CYLD: variants seen among roughly 807,000 people sequenced by gnomAD.
CYLD encodes the protein ubiquitin carboxyl-terminal hydrolase CYLD.
Under a neutral mutation model 104.5 loss-of-function variants are expected in CYLD, and 26 were observed. The ratio of observed to expected loss-of-function variants is 0.25; its 90% CI spans 0.18 to 0.35. The LOEUF is 0.35. Among genes scored for constraint, CYLD ranks in the 10% least tolerant of loss-of-function variants. The probability of loss-of-function intolerance (pLI) is 1.00; values close to 1 mark genes in which losing one functional copy is unlikely to be tolerated. For missense variants in CYLD, 703 were observed against 1,136.1 expected (o/e 0.62, Z 5.48); for synonymous variants, 385 against 399.9 (o/e 0.96, Z 0.45).
chr16:50,768,682 A>G (rs1968786758), intron 5 of CYLD, among the ~76,000 whole-genome samples: 2 of 152,240 alleles, frequency 1.3e-5, no homozygotes, highest in East Asian at 1.9e-4. Flanking sequence ...AGTTGTTATG[A>G]TGAAGCATAT....
In CYLD at chr16:50,761,448, G is replaced by A. The variant is rs1310561159; in HGVS notation, c.913+7024G>A. Among the ~76,000 whole-genome samples the A allele has an allele frequency of 3.3e-5, 5 of 152,056 alleles. No individual in the cohort carries two copies. The East Asian group carries it at 5.8e-4, about 18-fold the overall frequency. Reference sequence around the variant, plus strand: ...CTATACTCATGAAGAGATAGCTGCCGGTTCCTCTTTCCCTCCAGCCTCTGC... The same window carrying A: ...CTATACTCATGAAGAGATAGCTGCCAGTTCCTCTTTCCCTCCAGCCTCTGC... On this transcript the variant is annotated intron_variant, in intron 5 of 18. Transcript: ENST00000427738.
intron 5 of CYLD, among the ~76,000 whole-genome samples, chr16:50,755,086 CATAT>C (rs373232846): frequency 1.6e-5 from 1 of 63,164 alleles, no homozygotes; most frequent in African/African-American, 9.3e-5. Context: ...CATATACACA[CATAT>C]ATACATACAT....
At chr16:50,776,360 C>T in intron 7 of CYLD, 83 bp downstream of exon 7, 1 of 988,862 alleles carries the variant, frequency 1.0e-6, no homozygotes, top group Non-Finnish European at 1.6e-6. Flanking sequence ...TAAGCTATTA[C>T]TTCTGAACAT....
chr16:50,751,524 C>T (rs1966615815), intron 3 of CYLD, 80 bp from the exon 4 acceptor site: 3 of 1,236,514 alleles, frequency 2.4e-6, no homozygotes, highest in South Asian at 1.4e-5. Context: ...AGTGATTTTC[C>T]TGAAATCCCT....
rs1158310617 is a variant in CYLD, at chr16:50,751,770, A to T, written c.671A>T (p.Gln224Leu). ...SDYAGPGDTMQVELPPLEINS... is the reference protein window; with the variant it reads ...SDYAGPGDTMLVELPPLEINS... ...TACGCAGGTCCTGGGGACACAATGC[A>T]GGTCGAACTTCCTCCTTTGGAAATA... Residue 224 changes from glutamine (Q) to leucine (L), a missense_variant, in exon 4 of 19, where the codon CAG (glutamine) becomes CTG (leucine). Gln to Leu is a moderately radical substitution (Grantham distance 113). This residue lies in a region of CYLD where 123 missense variants were observed against 213.3 expected (regional missense o/e 0.58). Coordinates refer to ENST00000427738, the MANE Select transcript of CYLD (RefSeq NM_001378743.1). The T allele has an allele frequency of 6.2e-7, 1 of 1,613,842 alleles. No individual in the cohort carries two copies. The highest frequency in any genetic ancestry group is 1.3e-5 in the African/African-American group (1 of 75,002).
At chr16:50,755,970 C>G (rs572105516) in intron 5 of CYLD, among the ~76,000 whole-genome samples, 7 of 152,154 alleles carry the variant, frequency 4.6e-5, no homozygotes, top group African/African-American at 1.4e-4. Context: ...CAATGTTATC[C>G]TCTAGAATCT....
At chr16:50,776,397 A>G in intron 7 of CYLD, 120 bp downstream of exon 7, 2 of 773,606 alleles carry the variant, frequency 2.6e-6, no homozygotes, top group South Asian at 3.0e-5. Flanking sequence ...TCTTTCAAAC[A>G]TTTTTAGTAG....
intron 10 of CYLD, among the ~76,000 whole-genome samples, chr16:50,781,769 GAGTGTA>G (rs1970238020): frequency 6.6e-6 from 1 of 151,802 alleles, no homozygotes; most frequent in Non-Finnish European, 1.5e-5. Context: ...TTACAGCAGT[GAGTGTA>G]TCTTACAAAG....
chr16:50,760,109 C>T (rs185478018), intron 5 of CYLD, among the ~76,000 whole-genome samples: 42 of 152,286 alleles, frequency 2.8e-4, no homozygotes, highest in Admixed American at 2.4e-3. Context: ...TTATCCGTCA[C>T]GTTTTCTTGT....
chr16:50,798,249 G>GC lies in CYLD; in HGVS notation c.*1744dup, dbSNP rs1352374943. The GC allele has an allele frequency of 8.6e-6, 2 of 232,078 alleles. No homozygotes were observed. The highest frequency in any genetic ancestry group is 1.3e-3 in the Middle Eastern group (1 of 800). The allele number at this position is 232,078 out of a possible 1,614,324, so 14.4% of individuals were successfully genotyped here. On this transcript the variant is annotated 3_prime_UTR_variant, in exon 19 of 19. Transcript: ENST00000427738. ...ATGATTAGGAATCTAAATGAAGCCA[G>GC]CCCTCGGTATCTGCAGGTTTCTCAT... is the stretch of plus-strand genomic sequence containing the variant.
intron 4 of CYLD, among the ~76,000 whole-genome samples, chr16:50,753,685 G>A (rs1226830237): frequency 6.6e-6 from 1 of 152,192 alleles, no homozygotes; most frequent in Non-Finnish European, 1.5e-5. Context: ...GCCCAGGGCA[G>A]TTGTCTGACT....
At chr16:50,754,870 CAT>C (rs754421658) in intron 5 of CYLD, among the ~76,000 whole-genome samples, 9 of 139,052 alleles carry the variant, frequency 6.5e-5, no homozygotes, top group Admixed American at 1.3e-4. Context: ...TACACACACA[CAT>C]ATGTATATAT....
chr16:50,752,107 A>G (rs1247287084), intron 4 of CYLD, among the ~76,000 whole-genome samples: 2 of 151,382 alleles, frequency 1.3e-5, no homozygotes, highest in African/African-American at 4.8e-5. Flanking sequence ...AATTTGGAGT[A>G]CTTTAAAGAA....
intron 14 of CYLD, among the ~76,000 whole-genome samples, chr16:50,789,297 C>T (rs1971181906): frequency 6.6e-6 from 1 of 152,100 alleles, no homozygotes; most frequent in Admixed American, 6.5e-5. Context: ...CTAGAAGGCA[C>T]TTTGGGAGAA....
At chr16:50,772,673 A>C (rs1969278643) in intron 5 of CYLD, among the ~76,000 whole-genome samples, 1 of 152,204 alleles carries the variant, frequency 6.6e-6, no homozygotes, top group Non-Finnish European at 1.5e-5. Context: ...GTATCTGTGT[A>C]TCAGTTAGCA....
At position 50,794,392 on chromosome 16, in the gene CYLD, G is replaced by T. The variant is rs1971765077; in HGVS notation, c.2650G>T (p.Ala884Ser). The change falls in exon 18 of 19, where the codon GCC becomes TCC. Residue 884 changes from alanine (A) to serine (S), a missense_variant. Transcript: ENST00000427738. This position sits in a 1 kb window ranked among gnomAD's most constrained non-coding sequence, Gnocchi z 4.1. Reference sequence around the variant, plus strand: ...TGTGAAGTATGGGAAGGACGATTCTGCCTGGCTCTTCTTTGACAGCATGGC... The same window carrying T: ...TGTGAAGTATGGGAAGGACGATTCTTCCTGGCTCTTCTTTGACAGCATGGC... ...AFVKYGKDDSAWLFFDSMADR... is the reference protein window; with the variant it reads ...AFVKYGKDDSSWLFFDSMADR... 2 of 1,614,062 alleles carry T rather than the reference G, an allele frequency of 1.2e-6. No individual in the cohort carries two copies. Among genetic ancestry groups the T allele is most frequent in the Non-Finnish European group, 1.7e-6 (2 of 1,180,042 alleles).
intron 13 of CYLD, chr16:50,787,300 A>G (rs1970944663): frequency 3.3e-6 from 1 of 304,404 alleles, no homozygotes. Flanking sequence ...TCCCTGTTGT[A>G]AAAGGGAGTT....
chr16:50,761,994 A>G (rs971925995), intron 5 of CYLD, among the ~76,000 whole-genome samples: 1 of 152,176 alleles, frequency 6.6e-6, no homozygotes, highest in Non-Finnish European at 1.5e-5. Flanking sequence ...CCCACGTTTC[A>G]ATACCACATT....
Position 50,749,860 on chromosome 16 carries a change from T to C in CYLD, c.162T>C (p.Ser54=), listed in dbSNP as rs768708025. The C allele has an allele frequency of 1.2e-6, 2 of 1,614,066 alleles. No homozygotes were observed. Among genetic ancestry groups the C allele is most frequent in the East Asian group, 4.5e-5 (2 of 44,888 alleles). Residue 54 remains serine, a synonymous_variant, in exon 3 of 19, where the codon TCT becomes TCC. Transcript: ENST00000427738. ...TAGGACAGTATATTCAAGATCGTTC[T>C]GTGGGGCATTCAAGGATTCCTTCTG... is the stretch of plus-strand genomic sequence containing the variant. The part of the protein sequence containing the change: ...GSIGQYIQDR[S]VGHSRIPSAK...
Sources: allele counts gnomAD v4.1 joint callset (sites outside exome capture counted in the v4.1 genomes callset), GRCh38; gene constraint gnomAD v4.1.1; regional missense constraint gnomAD v4.1.1; non-coding constraint Gnocchi (gnomAD v3.1); transcripts MANE v1.5; gene names NCBI Gene and HGNC (gene_info 2026-07-23, HGNC 2026-07-21).